The following TENM2 variants were observed in gnomAD, a reference collection of about 807,000 sequenced individuals.
TENM2 encodes teneurin-2.
Under a neutral mutation model 245.2 loss-of-function variants are expected in TENM2, and 52 were observed. The observed-to-expected ratio is 0.21, with a 90% confidence interval of 0.17 to 0.27. TENM2 has a LOEUF of 0.27. TENM2 is among the 10% of genes least tolerant of loss of function. TENM2 has a pLI of 1.00. For missense variants in TENM2, 3,046 were observed against 3,666.8 expected (o/e 0.83, Z 4.37); for synonymous variants, 1,363 against 1,438.9 (o/e 0.95, Z 1.19).
At chr5:167,681,959 C>T (rs1224412927) in intron 2 of TENM2, among the ~76,000 whole-genome samples, 12 of 151,984 alleles carry the variant, frequency 7.9e-5, no homozygotes, top group Middle Eastern at 3.4e-3. Context: ...TGTTTGTGTG[C>T]GTGCATGTGT....
At chr5:168,119,182 G>A (rs553232668) in intron 10 of TENM2, among the ~76,000 whole-genome samples, 10 of 152,370 alleles carry the variant, frequency 6.6e-5, no homozygotes, top group Non-Finnish European at 1.2e-4. Flanking sequence ...GATGCAGCAA[G>A]AGGGACGGGA....
At position 168,195,564 on chromosome 5, in the gene TENM2, G is replaced by A. The variant is rs1005661569; in HGVS notation, c.2900+269G>A. Among the ~76,000 whole-genome samples, 427 of 103,090 alleles carry A rather than the reference G, an allele frequency of 4.1e-3. 7 individuals carry two copies. The highest frequency in any genetic ancestry group is 0.019 in the African/African-American group (283 of 15,258). The allele number at this position is 103,090 out of a possible 152,430, so 67.6% of individuals were successfully genotyped here. ...CAGGTCAATGCACGTGTGTGTGTGT[G>A]TGTGTGTGTGTGTGTGTGTGTGTGT... On this transcript the variant is annotated intron_variant, in intron 15 of 28. Transcript: ENST00000518659.
At chr5:167,859,621 C>A (rs1162787134) in intron 2 of TENM2, among the ~76,000 whole-genome samples, 189 of 113,860 alleles carry the variant, frequency 1.7e-3, no homozygotes, top group African/African-American at 6.8e-3. Flanking sequence ...GGTCAGCCCT[C>A]CGCCCGGCCA....
At position 167,709,978 on chromosome 5, in the gene TENM2, T is replaced by A. The variant is rs867958246; in HGVS notation, c.503-166008T>A. Among the ~76,000 whole-genome samples, 23 of 152,292 alleles carry A rather than the reference T, an allele frequency of 1.5e-4. No individual in the cohort carries two copies. The South Asian group carries it at 1.9e-3, about 12-fold the overall frequency. ...GAGTAAAAATGAGGCTGTTGGGATC[T>A]CGAACTTCTGGATAAGTTGAGGGGA... On this transcript the variant is annotated intron_variant, in intron 2 of 28. Coordinates refer to ENST00000518659, the Ensembl canonical transcript of TENM2.
intron 2 of TENM2, among the ~76,000 whole-genome samples, chr5:167,595,589 G>A (rs1047283071): frequency 3.3e-5 from 5 of 152,210 alleles, no homozygotes; most frequent in Admixed American, 1.3e-4. Context: ...TTGTATTGCT[G>A]TTCTCATTGA....
intron 5 of TENM2, among the ~76,000 whole-genome samples, chr5:168,034,369 A>G (rs941434269): frequency 1.3e-5 from 2 of 150,044 alleles, no homozygotes; most frequent in Non-Finnish European, 3.0e-5. Context: ...TGGAGGGGGA[A>G]CAGGATGGTC....
chr5:167,247,709 T>C, the TENM2 span, among the ~76,000 whole-genome samples: 1 of 152,190 alleles, frequency 6.6e-6, no homozygotes, highest in African/African-American at 2.4e-5. Context: ...TCCTTTCTGC[T>C]TTTTTGAATT....
At chr5:167,181,430 G>C in the TENM2 span, among the ~76,000 whole-genome samples, 1 of 133,354 alleles carries the variant, frequency 7.5e-6, no homozygotes, top group Admixed American at 7.5e-5. Flanking sequence ...TCTTTTCTCA[G>C]TTCTCTGTTT....
chr5:167,834,102 G>T (rs1056648619), intron 2 of TENM2, among the ~76,000 whole-genome samples: 1 of 148,854 alleles, frequency 6.7e-6, no homozygotes, highest in Admixed American at 6.7e-5. Flanking sequence ...AACATAAACA[G>T]GTAAACCAAT....
At chr5:167,519,221 T>C (rs1031227782) in intron 2 of TENM2, among the ~76,000 whole-genome samples, 8 of 152,168 alleles carry the variant, frequency 5.3e-5, no homozygotes, top group African/African-American at 1.7e-4. Flanking sequence ...TATCTTCTTA[T>C]CCAGGTTAGA....
intron 5 of TENM2, among the ~76,000 whole-genome samples, chr5:167,996,432 C>T (rs187007494): frequency 1.5e-4 from 23 of 152,280 alleles, no homozygotes; most frequent in African/African-American, 5.5e-4. Context: ...CACTCAGGCC[C>T]TGGCACAAAC....
At chr5:167,242,304 C>T in the TENM2 span, among the ~76,000 whole-genome samples, 1 of 152,136 alleles carries the variant, frequency 6.6e-6, no homozygotes, top group Non-Finnish European at 1.5e-5. Context: ...TCTGCCTCGG[C>T]CTCCCAAAAT....
intron 1 of TENM2, among the ~76,000 whole-genome samples, chr5:167,287,165 C>G (rs1754328858): frequency 6.6e-6 from 1 of 152,106 alleles, no homozygotes; most frequent in African/African-American, 2.4e-5. Context: ...TTGATGGGTT[C>G]TAAAATTGAA....
chr5:167,282,068 A>G (rs1202671692), upstream of TENM2, among the ~76,000 whole-genome samples: 1 of 152,148 alleles, frequency 6.6e-6, no homozygotes, highest in African/African-American at 2.4e-5. Flanking sequence ...TAAAAACTAA[A>G]ATAAAAGCAT....
At chr5:168,154,146 TTAAAAAAAA>T (rs1284673990) in intron 12 of TENM2, among the ~76,000 whole-genome samples, 11 of 75,742 alleles carry the variant, frequency 1.5e-4, no homozygotes, top group Admixed American at 1.5e-4. Flanking sequence ...ATCACCTACT[TTAAAAAAAA>T]AAAAAAAAAA....
chr5:167,788,288 A>G (rs935218700), intron 2 of TENM2, among the ~76,000 whole-genome samples: 3 of 152,218 alleles, frequency 2.0e-5, no homozygotes. Flanking sequence ...AAATGGTCTC[A>G]GCACAGTTGC....
At chr5:167,157,229 A>G in the TENM2 span, among the ~76,000 whole-genome samples, 34,979 of 152,054 alleles carry the variant, frequency 0.23, 5,038 homozygotes, top group African/African-American at 0.4. Context: ...GTGTTTCAAA[A>G]GGCCCCTCCT....
intron 3 of TENM2, among the ~76,000 whole-genome samples, chr5:167,913,881 T>A (rs932539733): frequency 2.6e-5 from 4 of 152,240 alleles, no homozygotes; most frequent in Non-Finnish European, 4.4e-5. Flanking sequence ...AAAATGGACA[T>A]ATGCACAGAG....
At chr5:167,725,755 C>T (rs1204316846) in intron 2 of TENM2, among the ~76,000 whole-genome samples, 3 of 152,070 alleles carry the variant, frequency 2.0e-5, no homozygotes, top group South Asian at 4.1e-4. Context: ...CATCTGTTAC[C>T]ACTTCCTACA....
Sources: gnomAD v4.1 joint callset for allele counts (sites outside exome capture counted in the v4.1 genomes callset) on GRCh38, gnomAD v4.1.1 for gene constraint, MANE v1.5 for transcripts, NCBI Gene and HGNC (gene_info 2026-07-23, HGNC 2026-07-21) for gene names.